The following CAP1 variants were observed in gnomAD, a reference collection of about 807,000 sequenced individuals.
The protein encoded by CAP1 is cyclase associated actin cytoskeleton regulatory protein 1.
In CAP1, 11 loss-of-function variants were observed where a neutral mutation model predicts 58.2. The observed-to-expected ratio is 0.19, with a 90% CI of 0.12 to 0.31. The LOEUF (loss-of-function observed/expected upper bound fraction) is 0.31, where lower values mean the gene tolerates loss of function less well. Among genes scored for constraint, CAP1 ranks in the 10% least tolerant of loss-of-function variants. The pLI, the probability that CAP1 is intolerant of heterozygous loss-of-function variation, is 1.00. For synonymous variants in CAP1, 183 were observed against 213.8 expected, an observed-to-expected ratio of 0.86 and a Z score of 1.26; for missense variants, 423 against 587.5, an observed-to-expected ratio of 0.72 and a Z score of 2.89.
intron 1 of CAP1, among the ~76,000 whole-genome samples, chr1:40,051,860 C>T (rs369826935): frequency 2.9e-4 from 44 of 152,226 alleles, no homozygotes; most frequent in South Asian, 8.3e-4. Flanking sequence ...TGAGCCACCG[C>T]GCCCAGCCTG....
intron 3 of CAP1, among the ~76,000 whole-genome samples, chr1:40,060,402 C>T (rs1646798666): frequency 6.6e-6 from 1 of 152,064 alleles, no homozygotes; most frequent in Non-Finnish European, 1.5e-5. Flanking sequence ...AGAAAGCTTG[C>T]TTGGTACATA....
intron 1 of CAP1, among the ~76,000 whole-genome samples, chr1:40,043,215 T>C (rs552421226): frequency 1.3e-3 from 191 of 152,192 alleles, no homozygotes; most frequent in African/African-American, 4.5e-3. Flanking sequence ...TTGTTTGTTT[T>C]GAGACGGAGT....
At chr1:40,055,426 A>G (rs1051097299) in intron 1 of CAP1, among the ~76,000 whole-genome samples, 22 of 152,234 alleles carry the variant, frequency 1.4e-4, no homozygotes, top group Middle Eastern at 3.2e-3. Context: ...TCTGACTATA[A>G]TATGGAGAAT....
chr1:40,061,830 T>G lies in CAP1; in HGVS notation c.294+18T>G. The G allele has an allele frequency of 6.2e-7, 1 of 1,601,232 alleles. No homozygotes were observed. Among genetic ancestry groups the G allele is most frequent in the Non-Finnish European group, 8.6e-7 (1 of 1,168,312 alleles). ...CAGCAGAAGTAAGTTCACTACTAGC[T>G]GGTTTCATTTTGGTTTGATGCTCAG... On this transcript the variant is annotated intron_variant, in intron 4 of 12. Coordinates refer to ENST00000372805, the MANE Select transcript of CAP1 (RefSeq NM_006367.4).
chr1:40,050,464 G>C (rs1489216104), intron 1 of CAP1, among the ~76,000 whole-genome samples: 1 of 13,352 alleles, frequency 7.5e-5, no homozygotes, highest in East Asian at 1.6e-3. Flanking sequence ...TTCGAGACCA[G>C]CCAGGCCAAC....
chr1:40,071,934 T>C lies in CAP1; in HGVS notation c.*401T>C, dbSNP rs1648119393. The stretch of plus-strand genomic sequence containing the variant: ...GTTAATCTTTTTTTAACAATGAGCA[T>C]GAAGGTAGCAGAAGCTGGTGTGTTT... On this transcript the variant is annotated 3_prime_UTR_variant, in exon 13 of 13. Coordinates refer to ENST00000372805, the MANE Select transcript of CAP1 (RefSeq NM_006367.4). 2.4e-6 allele frequency: 1 copy of C among 411,278 alleles called. No homozygotes were observed. Among genetic ancestry groups the C allele is most frequent in the Non-Finnish European group, 4.3e-6 (1 of 232,338 alleles). 25.5% of individuals were successfully genotyped at this position (411,278 alleles called of 1,614,324 possible).
chr1:40,049,948 C>G (rs1002348654), intron 1 of CAP1, among the ~76,000 whole-genome samples: 1 of 152,140 alleles, frequency 6.6e-6, no homozygotes, highest in Non-Finnish European at 1.5e-5. Context: ...TTCATATGAC[C>G]TCCTAGGGCA....
chr1:40,068,772 G>A (rs2124426526), intron 8 of CAP1, among the ~76,000 whole-genome samples: 1 of 152,224 alleles, frequency 6.6e-6, no homozygotes, highest in African/African-American at 2.4e-5. Context: ...TGCTGTGGGA[G>A]ATGATGAATT....
intron 1 of CAP1, among the ~76,000 whole-genome samples, chr1:40,048,000 T>A (rs1248840391): frequency 6.6e-6 from 1 of 151,846 alleles, no homozygotes; most frequent in Non-Finnish European, 1.5e-5. Flanking sequence ...TGAAACCAAA[T>A]GCTTAGAGAA....
chr1:40,067,563 C>G lies in CAP1; in HGVS notation c.654C>G (p.Ser218Arg). The G allele has an allele frequency of 6.2e-7, 1 of 1,609,094 alleles. No individual in the cohort carries two copies. Among genetic ancestry groups the G allele is most frequent in the Admixed American group, 1.7e-5 (1 of 59,238 alleles). ...SKTGPVAKEL[S>R]GLPSGPSAGS... is the part of the protein sequence containing the mutation. ...AGGGGCCTGTGGCAAAAGAACTGAG[C>G]GGACTGCCATCTGGACCCTCTGCCG... The change falls in exon 8 of 13, where the codon AGC (serine) becomes AGG (arginine). Residue 218 changes from serine (S) to arginine (R), a missense_variant. Transcript: ENST00000372805.
intron 6 of CAP1, among the ~76,000 whole-genome samples, chr1:40,065,710 G>T (rs1647038799): frequency 6.6e-6 from 1 of 152,150 alleles, no homozygotes; most frequent in Admixed American, 6.5e-5. Context: ...CTAAGGGAAA[G>T]TTTTTAAGTT....
At chr1:40,070,748 G>A (rs1248964004) in intron 11 of CAP1, 88 bp from the exon 12 acceptor site, 4 of 1,200,118 alleles carry the variant, frequency 3.3e-6, no homozygotes, top group African/African-American at 3.0e-5. Flanking sequence ...TGTAGTTGCT[G>A]AGTCACGTGA....
intron 1 of CAP1, among the ~76,000 whole-genome samples, chr1:40,043,457 A>G (rs927082386): frequency 1.3e-5 from 2 of 152,042 alleles, no homozygotes; most frequent in African/African-American, 2.4e-5. Flanking sequence ...CGCCCTCCCA[A>G]AGTGTTGTGA....
intron 1 of CAP1, among the ~76,000 whole-genome samples, chr1:40,043,308 C>T (rs1197557621): frequency 6.6e-6 from 1 of 152,126 alleles, no homozygotes; most frequent in Non-Finnish European, 1.5e-5. Flanking sequence ...AGGAATTCTC[C>T]TGCCTCAGCC....
chr1:40,049,225 C>T (rs1197844879), intron 1 of CAP1, among the ~76,000 whole-genome samples: 2 of 107,940 alleles, frequency 1.9e-5, no homozygotes, highest in African/African-American at 7.3e-5. Flanking sequence ...GTCTCTCTGT[C>T]GCCCAGGCTG....
chr1:40,071,304 A>T (rs1439552759), intron 12 of CAP1, 146 bp from the exon 13 acceptor site: 1 of 636,128 alleles, frequency 1.6e-6, no homozygotes, highest in Non-Finnish European at 2.8e-6. Context: ...ACTAGAACAT[A>T]GCATGGCTCT....
At chr1:40,046,151 C>T (rs1646088263) in intron 1 of CAP1, among the ~76,000 whole-genome samples, 1 of 152,074 alleles carries the variant, frequency 6.6e-6, no homozygotes, top group African/African-American at 2.4e-5. Context: ...CAGGGACTAT[C>T]ATTTATTTTA....
At chr1:40,070,612 CAA>C in intron 11 of CAP1, 100 bp downstream of exon 11, 1 of 1,103,316 alleles carries the variant, frequency 9.1e-7, no homozygotes, top group South Asian at 1.3e-5. Flanking sequence ...TCTGATTCTA[CAA>C]AGTCTGTAAG....
chr1:40,053,600 G>A (rs201532563), intron 1 of CAP1, among the ~76,000 whole-genome samples: 1 of 152,000 alleles, frequency 6.6e-6, no homozygotes, highest in East Asian at 1.9e-4. Flanking sequence ...GGCATGCACC[G>A]CTACTCCAGG....
Sources: allele counts gnomAD v4.1 joint callset (sites outside exome capture counted in the v4.1 genomes callset), GRCh38; gene constraint gnomAD v4.1.1; transcripts MANE v1.5; gene names NCBI Gene and HGNC (gene_info 2026-07-23, HGNC 2026-07-21).